The following DLG2 variants were observed in gnomAD, a reference collection of about 807,000 sequenced individuals.
The protein encoded by DLG2 is discs large MAGUK scaffold protein 2.
In DLG2, 45 loss-of-function variants were observed where a neutral mutation model predicts 132.5. The ratio of observed to expected loss-of-function variants is 0.34; its 90% CI spans 0.27 to 0.44. DLG2 has a LOEUF of 0.44. Among genes scored for constraint, DLG2 ranks in the 20% least tolerant of loss-of-function variants. The pLI is 1.00. For synonymous variants in DLG2, 424 were observed against 419.6 expected (o/e 1.01, Z -0.13); for missense variants, 1,045 against 1,196.9 (o/e 0.87, Z 1.87).
intron 7 of DLG2, among the ~76,000 whole-genome samples, chr11:84,450,788 G>T (rs1236276559): frequency 1.3e-5 from 2 of 151,426 alleles, no homozygotes; most frequent in Admixed American, 1.3e-4. Flanking sequence ...TGGTTTCCTT[G>T]TAGGGCATTC....
intron 6 of DLG2, among the ~76,000 whole-genome samples, chr11:85,091,111 C>T (rs1373352449): frequency 6.6e-6 from 1 of 152,206 alleles, no homozygotes; most frequent in Admixed American, 6.5e-5. Context: ...CCAAACACCT[C>T]CCATTTGGTT....
chr11:84,764,396 G>T (rs1357927303), intron 6 of DLG2, among the ~76,000 whole-genome samples: 1 of 152,062 alleles, frequency 6.6e-6, no homozygotes, highest in Admixed American at 6.6e-5. Context: ...ATAGAGTTCT[G>T]CAGTTGTTCT....
chr11:85,598,579 G>A, intron 3 of DLG2, 78 bp downstream of exon 3: 2 of 1,025,980 alleles, frequency 1.9e-6, no homozygotes, highest in Non-Finnish European at 2.6e-6. Flanking sequence ...GTTAACATCA[G>A]GTTCTTTGAC....
chr11:85,104,250 A>G (rs895316577), intron 6 of DLG2, among the ~76,000 whole-genome samples: 1 of 151,958 alleles, frequency 6.6e-6, no homozygotes, highest in African/African-American at 2.4e-5. Flanking sequence ...CCACACAAAA[A>G]CTTGCACAAA....
intron 11 of DLG2, among the ~76,000 whole-genome samples, chr11:84,031,656 T>C (rs956220452): frequency 1.3e-5 from 2 of 152,206 alleles, no homozygotes; most frequent in Admixed American, 1.3e-4. Flanking sequence ...TGTTACACAA[T>C]AGGTGCTTCA....
At chr11:84,661,854 C>T (rs551132265) in intron 6 of DLG2, among the ~76,000 whole-genome samples, 2 of 152,088 alleles carry the variant, frequency 1.3e-5, no homozygotes, top group South Asian at 2.1e-4. Context: ...ATATATTGAC[C>T]ACGTAATGCA....
intron 16 of DLG2, among the ~76,000 whole-genome samples, chr11:83,854,909 A>C (rs1367544216): frequency 6.6e-6 from 1 of 152,112 alleles, no homozygotes; most frequent in African/African-American, 2.4e-5. Flanking sequence ...TACAAAAGAC[A>C]TGTCAGATAA....
At chr11:85,403,270 C>T (rs1191384591) in intron 3 of DLG2, among the ~76,000 whole-genome samples, 3 of 152,028 alleles carry the variant, frequency 2.0e-5, no homozygotes, top group Admixed American at 1.3e-4. Flanking sequence ...CATATTCACA[C>T]TCATAGGTGG....
At chr11:84,502,940 A>C (rs1043184109) in intron 7 of DLG2, among the ~76,000 whole-genome samples, 1 of 152,222 alleles carries the variant, frequency 6.6e-6, no homozygotes, top group Non-Finnish European at 1.5e-5. Flanking sequence ...GAAGAAGGTC[A>C]GGGATAAGTG....
intron 11 of DLG2, among the ~76,000 whole-genome samples, chr11:84,031,047 A>G (rs1025122939): frequency 3.3e-5 from 5 of 152,140 alleles, no homozygotes; most frequent in Admixed American, 6.6e-5. Flanking sequence ...CCGGAAAACC[A>G]TAGTCTTGAG....
At chr11:84,077,714 A>G (rs1375580387) in intron 10 of DLG2, among the ~76,000 whole-genome samples, 2 of 152,226 alleles carry the variant, frequency 1.3e-5, no homozygotes, top group Non-Finnish European at 2.9e-5. Flanking sequence ...ATATAAGTAC[A>G]TACTGATTTG....
intron 8 of DLG2, among the ~76,000 whole-genome samples, chr11:84,168,577 A>G (rs2095730678): frequency 6.6e-6 from 1 of 152,202 alleles, no homozygotes; most frequent in Non-Finnish European, 1.5e-5. Context: ...GTGGCTAGCA[A>G]TGATGACTAT....
chr11:84,044,853 C>T (rs926420619), intron 11 of DLG2, among the ~76,000 whole-genome samples: 2 of 151,656 alleles, frequency 1.3e-5, no homozygotes, highest in South Asian at 2.1e-4. Context: ...GTCAATCACC[C>T]GTACAATCTC....
chr11:85,262,079 G>A (rs1322539977), intron 4 of DLG2, among the ~76,000 whole-genome samples: 1 of 152,148 alleles, frequency 6.6e-6, no homozygotes, highest in Non-Finnish European at 1.5e-5. Flanking sequence ...CTGAGAGAGA[G>A]TCATGAAAGC....
intron 3 of DLG2, among the ~76,000 whole-genome samples, chr11:85,474,880 T>C (rs1195183046): frequency 1.3e-5 from 2 of 151,624 alleles, no homozygotes; most frequent in Admixed American, 6.6e-5. Context: ...AAAAAGTTTA[T>C]ATCTTTCAAT....
intron 3 of DLG2, among the ~76,000 whole-genome samples, chr11:85,347,721 G>C (rs183935310): frequency 1.4e-4 from 21 of 151,760 alleles, no homozygotes; most frequent in African/African-American, 4.8e-4. Flanking sequence ...GAGGGCAAAG[G>C]GGAAGTTTTC....
chr11:83,972,157 T>C (rs1002069542), intron 12 of DLG2, among the ~76,000 whole-genome samples: 2 of 152,158 alleles, frequency 1.3e-5, no homozygotes, highest in Admixed American at 6.6e-5. Context: ...AATATTCATA[T>C]GTTAAACCTT....
At chr11:84,016,531 G>A (rs1171054515) in intron 11 of DLG2, among the ~76,000 whole-genome samples, 1 of 152,012 alleles carries the variant, frequency 6.6e-6, no homozygotes, top group Non-Finnish European at 1.5e-5. Context: ...TTTGTATATG[G>A]TATAAGGAAG....
At chr11:83,685,895 G>A (rs1453426937) in intron 18 of DLG2, among the ~76,000 whole-genome samples, 1 of 152,032 alleles carries the variant, frequency 6.6e-6, no homozygotes, top group Non-Finnish European at 1.5e-5. Context: ...CATTGACCTA[G>A]TTGCTCTGGC....
Sources: gnomAD v4.1 joint callset for allele counts (sites outside exome capture counted in the v4.1 genomes callset) on GRCh38, gnomAD v4.1.1 for gene constraint, MANE v1.5 for transcripts, NCBI Gene and HGNC (gene_info 2026-07-23, HGNC 2026-07-21) for gene names.